Variants in TMPRSS12 observed in about 807,000 individuals in gnomAD.
TMPRSS12 encodes transmembrane protease serine 12.
A neutral mutation model predicts 26.0 loss-of-function variants in TMPRSS12; 25 were observed. The ratio of observed to expected loss-of-function variants is 0.96; its 90% CI spans 0.70 to 1.34. TMPRSS12 has a LOEUF of 1.34. TMPRSS12 is among the 40% of genes most tolerant of loss of function. The pLI, the probability that TMPRSS12 is intolerant of heterozygous loss-of-function variation, is 0.00. For synonymous variants in TMPRSS12, 150 were observed against 161.7 expected, an observed-to-expected ratio of 0.93 and a Z score of 0.55; for missense variants, 441 against 440.1, an observed-to-expected ratio of 1.00 and a Z score of -0.02.
chr12:50,882,522 T>G (rs1938185703), intron 3 of TMPRSS12, among the ~76,000 whole-genome samples: 1 of 152,004 alleles, frequency 6.6e-6, no homozygotes, highest in African/African-American at 2.4e-5. Context: ...AAACCACTGG[T>G]AAGACTGGTG....
At chr12:50,853,664 C>T (rs1279221596) in intron 2 of TMPRSS12, among the ~76,000 whole-genome samples, 1 of 149,334 alleles carries the variant, frequency 6.7e-6, no homozygotes, top group African/African-American at 2.5e-5. Context: ...GTACCACCAA[C>T]CCCACAGAAA....
At chr12:50,853,589 A>AG (rs1444646668) in intron 2 of TMPRSS12, among the ~76,000 whole-genome samples, 1 of 151,036 alleles carries the variant, frequency 6.6e-6, no homozygotes, top group Admixed American at 6.6e-5. Context: ...AACAAAAAAA[A>AG]AAAAAAAAAA....
chr12:50,877,398 C>T (rs1272107727), intron 3 of TMPRSS12, among the ~76,000 whole-genome samples: 1 of 151,920 alleles, frequency 6.6e-6, no homozygotes, highest in African/African-American at 2.4e-5. Context: ...ATTAAAGGCA[C>T]ACAAATTGGA....
chr12:50,856,860 A>AT (rs11313096), intron 2 of TMPRSS12, among the ~76,000 whole-genome samples: 1 of 151,030 alleles, frequency 6.6e-6, no homozygotes, highest in African/African-American at 2.4e-5. Context: ...TAATTTTTGT[A>AT]TTTTTTTTTT....
intron 2 of TMPRSS12, among the ~76,000 whole-genome samples, chr12:50,858,093 T>C (rs375088301): frequency 6.6e-6 from 1 of 152,268 alleles, no homozygotes; most frequent in South Asian, 2.1e-4. Flanking sequence ...CTGCCTGCCT[T>C]GGCCTCCCAA....
rs1240459147 is a variant in TMPRSS12, at chr12:50,887,825, A to C, written c.*312A>C. 5 of 185,962 alleles carry C rather than the reference A, an allele frequency of 2.7e-5. No homozygotes were observed. Among genetic ancestry groups the C allele is most frequent in the Non-Finnish European group, 5.5e-5 (5 of 91,214 alleles). 11.5% of individuals were successfully genotyped at this position (185,962 alleles called of 1,614,324 possible). On this transcript the variant is annotated 3_prime_UTR_variant, in exon 5 of 5. Coordinates refer to ENST00000398458, the MANE Select transcript of TMPRSS12 (RefSeq NM_182559.3). Reference sequence around the variant, plus strand: ...TGCCAAATAATAGTTTATAATTAAAATGAAAGCTGTCATTTGGTTAAATTA... The same window carrying C: ...TGCCAAATAATAGTTTATAATTAAACTGAAAGCTGTCATTTGGTTAAATTA...
chr12:50,885,275 G>C lies in TMPRSS12; in HGVS notation c.682G>C (p.Glu228Gln). ...CGCTACAAATATTTTACAAGATGCA[G>C]AAGTGCATTATATTTCTCGAGAGAT... Reference protein sequence around the residue: ...GNATNILQDAEVHYISREMCN... With the variant: ...GNATNILQDAQVHYISREMCN... The change falls in exon 4 of 5, where the codon GAA becomes CAA. Residue 228 changes from glutamate (E) to glutamine (Q), a missense_variant. By Grantham distance (29) the Glu-to-Gln change is conservative. Transcript: ENST00000398458. 6.2e-7 allele frequency: 1 copy of C among 1,608,814 alleles called. No homozygotes were observed. Among genetic ancestry groups the C allele is most frequent in the Non-Finnish European group, 8.5e-7 (1 of 1,178,288 alleles).
intron 3 of TMPRSS12, among the ~76,000 whole-genome samples, chr12:50,863,780 T>C (rs1282930517): frequency 6.6e-6 from 1 of 152,100 alleles, no homozygotes; most frequent in Non-Finnish European, 1.5e-5. Context: ...ATGAAGGAGA[T>C]TTTTGTCCTG....
chr12:50,871,546 A>T (rs1438675799), intron 3 of TMPRSS12, among the ~76,000 whole-genome samples: 2 of 152,366 alleles, frequency 1.3e-5, no homozygotes, highest in South Asian at 4.1e-4. Context: ...CAAGGATTTC[A>T]TGACCAAGAA....
intron 3 of TMPRSS12, among the ~76,000 whole-genome samples, chr12:50,884,496 T>C (rs1452197041): frequency 1.3e-5 from 2 of 152,134 alleles, no homozygotes; most frequent in Non-Finnish European, 2.9e-5. Context: ...AGGATGACTA[T>C]AATTAAAAAG....
At chr12:50,865,313 C>T (rs1053243947) in intron 3 of TMPRSS12, among the ~76,000 whole-genome samples, 1 of 151,956 alleles carries the variant, frequency 6.6e-6, no homozygotes, top group Non-Finnish European at 1.5e-5. Context: ...GCCTGGGCAA[C>T]GAGAGCAAGA....
chr12:50,843,984 C>T lies in TMPRSS12; in HGVS notation c.330C>T (p.Thr110=). The T allele has an allele frequency of 6.2e-7, 1 of 1,606,510 alleles. No homozygotes were observed. The highest frequency in any genetic ancestry group is 8.5e-7 in the Non-Finnish European group (1 of 1,176,556). ...TTCTTGTTCATGTATGTGGGGGAAC[C>T]CTAGTGAGAGAGAGGTGGGTCCTCA... ...GRVLVHVCGG[T]LVRERWVLTA... is the part of the protein sequence containing the mutation. Residue 110 remains threonine (T), a synonymous_variant, in exon 2 of 5, where the codon ACC becomes ACT. Transcript: ENST00000398458.
chr12:50,885,050 GAACA>G (rs1164198877), intron 3 of TMPRSS12, among the ~76,000 whole-genome samples, 192 bp from the exon 4 acceptor site: 7 of 151,844 alleles, frequency 4.6e-5, no homozygotes, highest in Non-Finnish European at 1.0e-4. Context: ...TCTCAAAAAC[GAACA>G]AACAAACATT....
At chr12:50,849,090 A>G (rs1320587380) in intron 2 of TMPRSS12, among the ~76,000 whole-genome samples, 1 of 152,174 alleles carries the variant, frequency 6.6e-6, no homozygotes, top group Non-Finnish European at 1.5e-5. Context: ...CTAACTCCTA[A>G]GCTCAAGCTA....
intron 3 of TMPRSS12, among the ~76,000 whole-genome samples, chr12:50,862,983 A>C (rs1361819029): frequency 6.6e-6 from 1 of 152,084 alleles, no homozygotes; most frequent in Admixed American, 6.6e-5. Flanking sequence ...GCTTGAGGCC[A>C]GGAGTTCGAG....
chr12:50,865,540 TAA>T (rs1390088533), intron 3 of TMPRSS12, among the ~76,000 whole-genome samples: 4 of 152,080 alleles, frequency 2.6e-5, no homozygotes, highest in Admixed American at 2.0e-4. Flanking sequence ...GAGGAAGGAA[TAA>T]AGAGGATAGA....
intron 3 of TMPRSS12, among the ~76,000 whole-genome samples, chr12:50,872,909 CTATA>C (rs747859379): frequency 1.7e-5 from 1 of 58,498 alleles, no homozygotes; most frequent in African/African-American, 8.8e-5. Flanking sequence ...ATATATATGA[CTATA>C]TATGTACATA....
At chr12:50,857,983 C>G (rs933233378) in intron 2 of TMPRSS12, among the ~76,000 whole-genome samples, 1 of 152,148 alleles carries the variant, frequency 6.6e-6, no homozygotes. Context: ...TGTCCGCCAT[C>G]ACGCCCGGCT....
chr12:50,843,727 G>A (rs1460422119), intron 1 of TMPRSS12, 115 bp from the exon 2 acceptor site: 1 of 1,098,180 alleles, frequency 9.1e-7, no homozygotes, highest in Non-Finnish European at 1.3e-6. Flanking sequence ...CGGTATGTTA[G>A]CTTGCTTTGT....
Sources: allele counts gnomAD v4.1 joint callset (sites outside exome capture counted in the v4.1 genomes callset), GRCh38; gene constraint gnomAD v4.1.1; transcripts MANE v1.5; gene names NCBI Gene and HGNC (gene_info 2026-07-23, HGNC 2026-07-21).